The following USP33 variants were observed in gnomAD, a reference collection of about 807,000 sequenced individuals.
USP33 encodes the protein ubiquitin specific peptidase 33, also known as ubiquitin carboxyl-terminal hydrolase 33.
Under a neutral mutation model 124.2 loss-of-function variants are expected in USP33, and 46 were observed. The observed-to-expected ratio is 0.37, with a 90% CI of 0.29 to 0.47. The LOEUF is 0.47. USP33 is among the 20% of genes least tolerant of loss of function. The probability of loss-of-function intolerance (pLI) is 0.99; values close to 1 mark genes in which losing one functional copy is unlikely to be tolerated. For synonymous variants in USP33, 350 were observed against 352.3 expected (o/e 0.99, Z 0.07); for missense variants, 851 against 1,070.6 (o/e 0.79, Z 2.86).
chr1:77,729,669 T>C (rs568786529), intron 9 of USP33, among the ~76,000 whole-genome samples, 191 bp downstream of exon 9: 1 of 150,468 alleles, frequency 6.6e-6, no homozygotes, highest in Non-Finnish European at 1.5e-5. Flanking sequence ...AGACTCTGCC[T>C]CAAAAAAAAG....
intron 1 of USP33, among the ~76,000 whole-genome samples, chr1:77,743,688 T>C (rs1679390936): frequency 6.6e-6 from 1 of 152,094 alleles, no homozygotes; most frequent in African/African-American, 2.4e-5. Flanking sequence ...GTAAAACAAT[T>C]CTCAAAGCCT....
intron 21 of USP33, among the ~76,000 whole-genome samples, chr1:77,709,993 AG>A (rs1377124767): frequency 1.3e-5 from 2 of 152,094 alleles, no homozygotes; most frequent in Non-Finnish European, 2.9e-5. Context: ...GGTACAGTTT[AG>A]TTTTCTCCTT....
intron 14 of USP33, 106 bp downstream of exon 14, chr1:77,721,725 T>C: frequency 1.0e-6 from 1 of 980,520 alleles, no homozygotes; most frequent in Non-Finnish European, 1.5e-6. Context: ...AATGTACTAT[T>C]AAGCTGTCTT....
chr1:77,740,096 G>A lies in USP33; in HGVS notation c.199-679C>T, dbSNP rs563037997. ...TGTGCATCTTAAAACAAAGTCATTCGAGAAACTTTCCATTTAGAATGGGAG... is the reference window on the plus strand; with the variant it reads ...TGTGCATCTTAAAACAAAGTCATTCAAGAAACTTTCCATTTAGAATGGGAG... On this transcript the variant is annotated intron_variant, in intron 4 of 23. Coordinates refer to ENST00000370794, the MANE Select transcript of USP33 (RefSeq NM_201624.3). Among the ~76,000 whole-genome samples, 9 of 152,282 alleles carry A rather than the reference G, an allele frequency of 5.9e-5. No individual in the cohort carries two copies. In the South Asian group the frequency reaches 1.7e-3, roughly 28 times the overall value.
intron 1 of USP33, among the ~76,000 whole-genome samples, chr1:77,757,691 T>G (rs558521789): frequency 2.0e-5 from 3 of 152,384 alleles, no homozygotes; most frequent in Admixed American, 1.3e-4. Context: ...TCATATGTTA[T>G]AGTTCACAGT....
At chr1:77,740,826 C>T in intron 4 of USP33, 51 bp downstream of exon 4, 1 of 1,330,766 alleles carries the variant, frequency 7.5e-7, no homozygotes, top group African/African-American at 1.5e-5. Flanking sequence ...TTTCCCTTTC[C>T]TTCAGGCACT....
At chr1:77,746,450 CAA>C in intron 1 of USP33, 1 of 152,258 alleles carries the variant, frequency 6.6e-6, no homozygotes, top group Middle Eastern at 3.4e-3. Flanking sequence ...ACCAGAGGTA[CAA>C]AGAGGAGCTG....
At chr1:77,708,488 T>A (rs551886079) in intron 21 of USP33, among the ~76,000 whole-genome samples, 1 of 152,310 alleles carries the variant, frequency 6.6e-6, no homozygotes, top group South Asian at 2.1e-4. Flanking sequence ...CTTGAATAAT[T>A]CACTTGGGTC....
chr1:77,712,647 G>C (rs905383763), intron 20 of USP33, among the ~76,000 whole-genome samples: 9 of 152,072 alleles, frequency 5.9e-5, no homozygotes, highest in Non-Finnish European at 1.0e-4. Context: ...GATCAGCCCA[G>C]GAGTTCAAGA....
chr1:77,750,788 T>C (rs1680262060), intron 1 of USP33, among the ~76,000 whole-genome samples: 1 of 152,240 alleles, frequency 6.6e-6, no homozygotes, highest in Admixed American at 6.5e-5. Context: ...AAACCCTTAG[T>C]ATTTTCTTTG....
chr1:77,741,147 T>A (rs993112170), intron 3 of USP33, among the ~76,000 whole-genome samples: 7 of 152,274 alleles, frequency 4.6e-5, no homozygotes, highest in Middle Eastern at 3.4e-3. Flanking sequence ...GCTATGTCAT[T>A]TCTAATAAAA....
chr1:77,750,680 GAA>G (rs935566313), intron 1 of USP33, among the ~76,000 whole-genome samples: 40 of 144,636 alleles, frequency 2.8e-4, no homozygotes, highest in South Asian at 8.8e-4. Flanking sequence ...AAGAAAGAAA[GAA>G]AGAAAAAGGA....
At chr1:77,751,971 A>G (rs1680379787) in intron 1 of USP33, among the ~76,000 whole-genome samples, 1 of 151,936 alleles carries the variant, frequency 6.6e-6, no homozygotes, top group Admixed American at 6.6e-5. Context: ...TACAGGCTTG[A>G]GCCACCGCGC....
At chr1:77,698,036 G>A (rs780498915) in intron 22 of USP33, 105 bp from the exon 23 acceptor site, 6 of 783,238 alleles carry the variant, frequency 7.7e-6, no homozygotes, top group Non-Finnish European at 1.2e-5. Context: ...TATCAGACTG[G>A]TTATTTCTCA....
intron 17 of USP33, 27 bp from the exon 18 acceptor site, chr1:77,715,895 A>T: frequency 6.2e-7 from 1 of 1,602,468 alleles, no homozygotes; most frequent in Non-Finnish European, 8.5e-7. Flanking sequence ...AGAAATCATT[A>T]CAGTAATACA....
chr1:77,708,790 A>AG (rs11388879), intron 21 of USP33, among the ~76,000 whole-genome samples: 151,559 of 152,338 alleles, frequency 0.99, 75,395 homozygotes, highest in Middle Eastern at 1. Flanking sequence ...TGTGTACCAA[A>AG]AAGTGGTGCC....
At chr1:77,724,513 T>C (rs973808380) in intron 11 of USP33, among the ~76,000 whole-genome samples, 6 of 152,176 alleles carry the variant, frequency 3.9e-5, no homozygotes, top group African/African-American at 1.2e-4. Context: ...GGAACTCCCA[T>C]ATATACCTGG....
intron 1 of USP33, among the ~76,000 whole-genome samples, chr1:77,743,407 TA>T (rs2101566439): frequency 6.6e-6 from 1 of 152,268 alleles, no homozygotes; most frequent in South Asian, 2.1e-4. Context: ...TCAAATCAAA[TA>T]ATCAATTCAC....
In USP33 at chr1:77,698,504, T is replaced by C. The variant is rs528585637; in HGVS notation, c.2510-573A>G. On this transcript the variant is annotated intron_variant, in intron 22 of 23. Transcript: ENST00000370794. ...ACAGTTTAACAGAAATGTTTTGTTT[T>C]TTTTTTTTTTTTTGAGACGGAGTCT... 3.7e-3 allele frequency among the ~76,000 whole-genome samples: 545 copies of C among 149,148 alleles called. 2 individuals carry two copies. Among genetic ancestry groups the C allele is most frequent in the Middle Eastern group, 0.029 (8 of 280 alleles).
Sources: gnomAD v4.1 joint callset for allele counts (sites outside exome capture counted in the v4.1 genomes callset) on GRCh38, gnomAD v4.1.1 for gene constraint, MANE v1.5 for transcripts, NCBI Gene and HGNC (gene_info 2026-07-23, HGNC 2026-07-21) for gene names.